The following MBNL1 variants were observed in gnomAD, a reference collection of about 807,000 sequenced individuals.
MBNL1 encodes the protein muscleblind like splicing regulator 1.
In MBNL1, 8 loss-of-function variants were observed where a neutral mutation model predicts 42.2. That is an observed-to-expected ratio of 0.19 (90% CI 0.11 to 0.34). The LOEUF is 0.34. Among genes scored for constraint, MBNL1 ranks in the 10% least tolerant of loss-of-function variants. The pLI, the probability that MBNL1 is intolerant of heterozygous loss-of-function variation, is 1.00. For missense variants in MBNL1, 309 were observed against 495.3 expected (o/e 0.62, Z 3.57); for synonymous variants, 169 against 173.9 (o/e 0.97, Z 0.22).
At chr3:152,332,739 T>TGTGTGTGCGCGCGC (rs1256022678) in intron 2 of MBNL1, among the ~76,000 whole-genome samples, 1 of 115,646 alleles carries the variant, frequency 8.6e-6, no homozygotes, top group East Asian at 2.2e-4. Context: ...TGTGTGTGTG[T>TGTGTGTGCGCGCGC]GCGCGCGCGC....
chr3:152,291,164 C>G (rs1246293211), intron 1 of MBNL1, among the ~76,000 whole-genome samples: 3 of 152,108 alleles, frequency 2.0e-5, no homozygotes, highest in African/African-American at 7.2e-5. Context: ...GTAGCATTCA[C>G]AGTTTTATCT....
chr3:152,464,418 G>A lies in MBNL1; in HGVS notation c.*2052G>A, dbSNP rs902627236. 1.3e-5 allele frequency: 2 copies of A among 152,376 alleles called. No homozygotes were observed. The highest frequency in any genetic ancestry group is 2.9e-5 in the Non-Finnish European group (2 of 67,950). 9.4% of individuals were successfully genotyped at this position (152,376 alleles called of 1,614,324 possible). ...TAAAAGAACAAAGATCTTTTATATGGATATCTTATAAATATATAATCATTG... is the reference window on the plus strand; with the variant it reads ...TAAAAGAACAAAGATCTTTTATATGAATATCTTATAAATATATAATCATTG... On this transcript the variant is annotated 3_prime_UTR_variant, in exon 10 of 10. Coordinates refer to ENST00000324210, the MANE Select transcript of MBNL1 (RefSeq NM_021038.5).
At chr3:152,316,595 G>C (rs2071662545) in intron 2 of MBNL1, among the ~76,000 whole-genome samples, 1 of 152,014 alleles carries the variant, frequency 6.6e-6, no homozygotes, top group South Asian at 2.1e-4. Flanking sequence ...ACCTAGTCCT[G>C]CTTGCTCCAT....
intron 5 of MBNL1, 42 bp from the exon 6 acceptor site, chr3:152,447,578 C>T (rs747993265): frequency 8.7e-6 from 13 of 1,487,744 alleles, no homozygotes; most frequent in African/African-American, 1.4e-5. Context: ...TTCTTTTTCT[C>T]TTTTTACTGG....
At chr3:152,285,672 A>T (rs1358565051) in intron 1 of MBNL1, among the ~76,000 whole-genome samples, 1 of 129,938 alleles carries the variant, frequency 7.7e-6, no homozygotes, top group Non-Finnish European at 1.6e-5. Flanking sequence ...TCTGTTGCCC[A>T]GGCTGGAGTG....
At chr3:152,444,213 GT>G (rs2099187258) in intron 4 of MBNL1, among the ~76,000 whole-genome samples, 1 of 152,164 alleles carries the variant, frequency 6.6e-6, no homozygotes, top group Admixed American at 6.5e-5. Context: ...GACATTCTGT[GT>G]TTTAGATGGC....
At chr3:152,441,806 CT>C (rs1192975777) in intron 4 of MBNL1, among the ~76,000 whole-genome samples, 2 of 151,822 alleles carry the variant, frequency 1.3e-5, no homozygotes, top group East Asian at 3.9e-4. Flanking sequence ...TATTTTTTTT[CT>C]TTTGTGACAG....
chr3:152,250,425 G>C (rs1490993870), intron 2 of MBNL1, among the ~76,000 whole-genome samples: 2 of 151,510 alleles, frequency 1.3e-5, no homozygotes, highest in Non-Finnish European at 3.0e-5. Context: ...CTGTTTGTCT[G>C]TTGTTGGTGT....
At chr3:152,343,939 A>T (rs2093783005) in intron 2 of MBNL1, among the ~76,000 whole-genome samples, 1 of 152,138 alleles carries the variant, frequency 6.6e-6, no homozygotes, top group Non-Finnish European at 1.5e-5. Flanking sequence ...ATATTCCCTT[A>T]TAAATAAGTT....
chr3:152,312,110 T>G, intron 2 of MBNL1, among the ~76,000 whole-genome samples: 1 of 144,604 alleles, frequency 6.9e-6, no homozygotes, highest in Non-Finnish European at 1.5e-5. Context: ...GAGAATGGCG[T>G]GAACCCGGGA....
rs549123725 is a variant in MBNL1 at position 152,309,075 on chromosome 3, G to T, written c.174+8708G>T. ...AGGGGGAAGTTTCTCGACAGCAATTGCAGGGTCAGTGAAAGAGATACTTGA... is the reference window on the plus strand; with the variant it reads ...AGGGGGAAGTTTCTCGACAGCAATTTCAGGGTCAGTGAAAGAGATACTTGA... On this transcript the variant is annotated intron_variant, in intron 2 of 9. Coordinates refer to ENST00000324210, the MANE Select transcript of MBNL1 (RefSeq NM_021038.5). Among the ~76,000 whole-genome samples the T allele has an allele frequency of 2.0e-5, 3 of 152,286 alleles. No homozygotes were observed. In the East Asian group the frequency reaches 5.8e-4, roughly 29 times the overall value.
intron 2 of MBNL1, among the ~76,000 whole-genome samples, chr3:152,342,236 C>T (rs957900125): frequency 6.6e-6 from 1 of 152,016 alleles, no homozygotes; most frequent in Non-Finnish European, 1.5e-5. Flanking sequence ...AGCCTGGTAC[C>T]AGCAAGGGGA....
intron 2 of MBNL1, among the ~76,000 whole-genome samples, chr3:152,361,183 G>T (rs938449479): frequency 1.3e-5 from 2 of 152,062 alleles, no homozygotes; most frequent in Admixed American, 1.3e-4. Flanking sequence ...ACTCTGTGCT[G>T]TTCTATGTTA....
At chr3:152,445,131 A>G in intron 4 of MBNL1, 151 bp from the exon 5 acceptor site, 1 of 592,400 alleles carries the variant, frequency 1.7e-6, no homozygotes, top group Non-Finnish European at 3.0e-6. Context: ...TAAACTAGGA[A>G]ATGCTGAAGT....
intron 2 of MBNL1, among the ~76,000 whole-genome samples, chr3:152,385,093 G>A (rs1315224756): frequency 6.6e-6 from 1 of 152,050 alleles, no homozygotes; most frequent in African/African-American, 2.4e-5. Flanking sequence ...CCATTTGGTA[G>A]CGATACTTAG....
intron 2 of MBNL1, among the ~76,000 whole-genome samples, chr3:152,326,096 C>A (rs2079868054): frequency 6.6e-6 from 1 of 152,068 alleles, no homozygotes; most frequent in African/African-American, 2.4e-5. Context: ...AATATAACTC[C>A]ATTTCCAAAT....
chr3:152,301,077 C>T (rs1000365366), intron 2 of MBNL1: 1 of 211,128 alleles, frequency 4.7e-6, no homozygotes, highest in African/African-American at 2.4e-5. Context: ...TCTGTTAGAT[C>T]ATGATTTTTT....
rs924491957 is a variant in MBNL1 at position 152,419,451 on chromosome 3, C to T, written c.345+4340C>T. ...TAAGCAGAAGCATGGTAGGGTGTCA[C>T]CTCACCCTGGAAGTGCAAGGGGTCA... On this transcript the variant is annotated intron_variant, in intron 3 of 9. Transcript: ENST00000324210. Among the ~76,000 whole-genome samples, 16 of 152,208 alleles carry T rather than the reference C, an allele frequency of 1.1e-4. 2 individuals carry two copies. The South Asian group carries it at 2.5e-3, about 24-fold the overall frequency.
intron 1 of MBNL1, among the ~76,000 whole-genome samples, chr3:152,270,971 C>T (rs2041264848): frequency 6.6e-6 from 1 of 152,070 alleles, no homozygotes; most frequent in South Asian, 2.1e-4. Flanking sequence ...TATAGTGTCA[C>T]TTAAGACATA....
Sources: allele counts gnomAD v4.1 joint callset (sites outside exome capture counted in the v4.1 genomes callset), GRCh38; gene constraint gnomAD v4.1.1; transcripts MANE v1.5; gene names NCBI Gene and HGNC (gene_info 2026-07-23, HGNC 2026-07-21).